The following GAS7 variants were observed in gnomAD, a reference collection of about 807,000 sequenced individuals.
GAS7 encodes growth arrest specific 7.
In GAS7, 28 loss-of-function variants were observed where a neutral mutation model predicts 71.1. That is an observed-to-expected ratio of 0.39 (90% CI 0.29 to 0.54). The LOEUF (loss-of-function observed/expected upper bound fraction) is 0.54, where lower values mean the gene tolerates loss of function less well. GAS7 is among the 20% of genes least tolerant of loss of function. GAS7 has a pLI of 0.62. For synonymous variants in GAS7, 258 were observed against 245.8 expected, an observed-to-expected ratio of 1.05 and a Z score of -0.46; for missense variants, 436 against 627.8, an observed-to-expected ratio of 0.69 and a Z score of 3.27.
intron 1 of GAS7, among the ~76,000 whole-genome samples, chr17:10,040,990 C>A (rs1365576530): frequency 1.3e-5 from 2 of 151,948 alleles, no homozygotes; most frequent in Non-Finnish European, 2.9e-5. Context: ...GGCAAAACCC[C>A]ACCTCTACTA....
chr17:10,077,051 C>T (rs1243569865), intron 1 of GAS7, among the ~76,000 whole-genome samples: 1 of 152,170 alleles, frequency 6.6e-6, no homozygotes, highest in African/African-American at 2.4e-5. Flanking sequence ...GCTTTGGCCA[C>T]TTCTTTGGGC....
At position 10,152,641 on chromosome 17, in the gene GAS7, G is replaced by A. The variant is rs564882575; in HGVS notation, c.183+45567C>T. Among the ~76,000 whole-genome samples, 21 of 152,300 alleles carry A rather than the reference G, an allele frequency of 1.4e-4. No individual in the cohort carries two copies. The South Asian group carries it at 2.9e-3, about 21-fold the overall frequency. On this transcript the variant is annotated intron_variant, in intron 1 of 13. Transcript: ENST00000432992. ...TGCAAGGGGCCATGTTAAACATGACGGTGGAGAGCAAGATGGCAGAGGAGG... is the reference window on the plus strand; with the variant it reads ...TGCAAGGGGCCATGTTAAACATGACAGTGGAGAGCAAGATGGCAGAGGAGG...
chr17:10,186,536 TG>T (rs1017267084), intron 1 of GAS7, among the ~76,000 whole-genome samples: 1 of 151,714 alleles, frequency 6.6e-6, no homozygotes, highest in African/African-American at 2.4e-5. Context: ...CCTGAGTAGC[TG>T]GGATTATAGG....
intron 2 of GAS7, among the ~76,000 whole-genome samples, chr17:9,992,996 A>G (rs372165436): frequency 2.3e-4 from 35 of 151,570 alleles, no homozygotes; most frequent in Non-Finnish European, 3.7e-4. Flanking sequence ...TCTTAATCCA[A>G]TCTATCATTG....
At chr17:10,095,384 ACTGGGCCCTCGAACTC>A (rs568906039) in intron 1 of GAS7, among the ~76,000 whole-genome samples, 2 of 152,304 alleles carry the variant, frequency 1.3e-5, no homozygotes, top group South Asian at 2.1e-4. Context: ...TCCAGAAATC[ACTGGGCCCTCGAACTC>A]CTGGGCTCAA....
chr17:10,182,900 G>A (rs916796354), intron 1 of GAS7, among the ~76,000 whole-genome samples: 7 of 152,222 alleles, frequency 4.6e-5, no homozygotes, highest in African/African-American at 1.4e-4. Context: ...AGTCTCCTGA[G>A]TTTCACCTCT....
Position 9,959,542 on chromosome 17 carries a change from G to A in GAS7, c.472-287C>T, listed in dbSNP as rs1052145597. 9.6e-7 allele frequency: 1 copy of A among 1,045,540 alleles called. No homozygotes were observed. Among genetic ancestry groups the A allele is most frequent in the African/African-American group, 1.6e-5 (1 of 62,318 alleles). 64.8% of individuals were successfully genotyped at this position (1,045,540 alleles called of 1,614,324 possible). ...CCTCTTCTCTCAGTCTGTGATTTGG[G>A]GAGTTAACCCCTCCGCTGCCCTCTG... is the stretch of plus-strand genomic sequence containing the variant. On this transcript the variant is annotated intron_variant, in intron 4 of 13. Coordinates refer to ENST00000432992, the MANE Select transcript of GAS7 (RefSeq NM_201433.2). This position sits in a 1 kb window ranked among gnomAD's most constrained non-coding sequence, Gnocchi z 5.0.
intron 1 of GAS7, among the ~76,000 whole-genome samples, chr17:10,165,586 A>G (rs1167308529): frequency 3.3e-5 from 5 of 152,252 alleles, no homozygotes; most frequent in Admixed American, 3.3e-4. Context: ...GGCTTTTGCC[A>G]AGAGTGTCTT....
chr17:10,067,894 A>T (rs2073298849), intron 1 of GAS7, among the ~76,000 whole-genome samples: 2 of 152,212 alleles, frequency 1.3e-5, no homozygotes, highest in African/African-American at 4.8e-5. Flanking sequence ...GAAAGTTGAT[A>T]TCAACATTCC....
intron 5 of GAS7, among the ~76,000 whole-genome samples, chr17:9,949,283 AG>A (rs2068911504): frequency 6.6e-6 from 1 of 152,166 alleles, no homozygotes; most frequent in Non-Finnish European, 1.5e-5. Flanking sequence ...TGAGGAGTCC[AG>A]TGCTGACGGA....
chr17:9,923,612 C>T (rs999442064), intron 11 of GAS7, among the ~76,000 whole-genome samples: 1 of 152,288 alleles, frequency 6.6e-6, no homozygotes, highest in Non-Finnish European at 1.5e-5. Flanking sequence ...TATCATTTTT[C>T]CCCACTCACT....
At chr17:10,014,493 C>A (rs570752965) in intron 2 of GAS7, among the ~76,000 whole-genome samples, 3 of 152,188 alleles carry the variant, frequency 2.0e-5, no homozygotes, top group Non-Finnish European at 4.4e-5. Flanking sequence ...TGCCCCAAGG[C>A]CCCTGACTCT....
At chr17:10,136,843 G>A (rs2074042340) in intron 1 of GAS7, among the ~76,000 whole-genome samples, 1 of 152,112 alleles carries the variant, frequency 6.6e-6, no homozygotes, top group Admixed American at 6.6e-5. Context: ...ATCTGGCCAG[G>A]CATCGTGGCT....
At chr17:10,007,907 C>T (rs79345075) in intron 2 of GAS7, among the ~76,000 whole-genome samples, 8 of 152,140 alleles carry the variant, frequency 5.3e-5, no homozygotes, top group Non-Finnish European at 1.0e-4. Flanking sequence ...CCAGCTCCCC[C>T]CCGCAACCAC....
intron 1 of GAS7, among the ~76,000 whole-genome samples, chr17:10,095,284 G>C (rs538499584): frequency 1.3e-5 from 2 of 152,300 alleles, no homozygotes; most frequent in African/African-American, 4.8e-5. Flanking sequence ...TAAATGTGTA[G>C]CATAATAAAG....
At chr17:10,030,446 CCTGTGGAA>C (rs1415681086) in intron 1 of GAS7, among the ~76,000 whole-genome samples, 1 of 152,228 alleles carries the variant, frequency 6.6e-6, no homozygotes, top group African/African-American at 2.4e-5. Context: ...ATGACCATGT[CCTGTGGAA>C]CTGTGGTTGG....
At chr17:9,945,902 T>C (rs890473401) in intron 6 of GAS7, among the ~76,000 whole-genome samples, 1 of 152,156 alleles carries the variant, frequency 6.6e-6, no homozygotes, top group Non-Finnish European at 1.5e-5. Context: ...GAGAGTCGCT[T>C]GAACCTGGGA....
chr17:9,929,183 C>G (rs538157976), intron 9 of GAS7, among the ~76,000 whole-genome samples: 3 of 152,284 alleles, frequency 2.0e-5, no homozygotes, highest in Admixed American at 6.5e-5. Context: ...TTAGCTCAGC[C>G]TGCTGACTCA....
At chr17:10,139,937 C>A (rs2074067340) in intron 1 of GAS7, among the ~76,000 whole-genome samples, 1 of 152,160 alleles carries the variant, frequency 6.6e-6, no homozygotes, top group South Asian at 2.1e-4. Context: ...ACACAGGGCC[C>A]CAGATTCTGC....
Sources: gnomAD v4.1 joint callset for allele counts (sites outside exome capture counted in the v4.1 genomes callset) on GRCh38, gnomAD v4.1.1 for gene constraint, Gnocchi (gnomAD v3.1) non-coding constraint, MANE v1.5 for transcripts, NCBI Gene and HGNC (gene_info 2026-07-23, HGNC 2026-07-21) for gene names.